Variants in ERICH1 observed in about 807,000 individuals in gnomAD.
ERICH1 encodes the protein glutamate rich 1.
Under a neutral mutation model 39.6 loss-of-function variants are expected in ERICH1, and 56 were observed. The ratio of observed to expected loss-of-function variants is 1.41; its 90% CI spans 1.14 to 1.77. ERICH1 has a LOEUF of 1.77. Among genes scored for constraint, ERICH1 ranks in the 40% most tolerant of loss-of-function variants. ERICH1 has a pLI of 0.00. For missense variants in ERICH1, 826 were observed against 575.4 expected (o/e 1.44, Z -4.45); for synonymous variants, 313 against 223.6 (o/e 1.40, Z -3.57).
chr8:637,507 C>T (rs1414786845), intron 3 of ERICH1: 3 of 152,308 alleles, frequency 2.0e-5, no homozygotes, highest in Non-Finnish European at 4.4e-5. Flanking sequence ...ACAATCAGAG[C>T]CCCACATGCC....
chr8:628,213 C>T (rs992492725), intron 3 of ERICH1, among the ~76,000 whole-genome samples: 1 of 152,218 alleles, frequency 6.6e-6, no homozygotes, highest in East Asian at 1.9e-4. Context: ...TTGATGTTAT[C>T]TGCAGGCTAG....
At chr8:691,662 A>C (rs1181452262) in intron 3 of ERICH1, among the ~76,000 whole-genome samples, 1 of 152,246 alleles carries the variant, frequency 6.6e-6, no homozygotes, top group Admixed American at 6.5e-5. Flanking sequence ...GAAAGGATGA[A>C]TCCATTATTC....
At position 722,408 on chromosome 8, in the gene ERICH1, G is replaced by A. The variant is rs74417891; in HGVS notation, c.23-6401C>T. ...TTCACAGGGGAATTAAGTCACTTCG[G>A]TATAATTCTCAGAAAGGACTGCTGC... On this transcript the variant is annotated intron_variant, in intron 1 of 5. Transcript: ENST00000262109. 6.0e-3 allele frequency among the ~76,000 whole-genome samples: 916 copies of A among 152,224 alleles called. 14 individuals are homozygous for A. The highest frequency in any genetic ancestry group is 0.021 in the African/African-American group (871 of 41,512).
chr8:631,275 C>T (rs1369009110), intron 3 of ERICH1, among the ~76,000 whole-genome samples: 13 of 152,214 alleles, frequency 8.5e-5, no homozygotes, highest in Admixed American at 7.2e-4. Context: ...AGCCCCCGTG[C>T]CCCTGCTCCA....
intron 3 of ERICH1, among the ~76,000 whole-genome samples, chr8:656,591 C>T (rs542757903): frequency 6.6e-5 from 10 of 152,320 alleles, no homozygotes; most frequent in Admixed American, 3.9e-4. Flanking sequence ...CGATCTTGTT[C>T]GCATTGAGGC....
At chr8:730,983 G>T (rs1819852622) in intron 1 of ERICH1, among the ~76,000 whole-genome samples, 157 bp downstream of exon 1, 3 of 152,160 alleles carry the variant, frequency 2.0e-5, no homozygotes, top group Non-Finnish European at 4.4e-5. Flanking sequence ...GGGTAAGAGC[G>T]GGGGATGGGT....
intron 5 of ERICH1, chr8:666,532 C>G (rs1425644969): frequency 6.6e-6 from 1 of 152,476 alleles, no homozygotes; most frequent in Non-Finnish European, 1.5e-5. Flanking sequence ...CTGCTGGGGC[C>G]CCTCCTCTCT....
intron 1 of ERICH1, among the ~76,000 whole-genome samples, chr8:723,303 C>T: frequency 6.6e-6 from 1 of 152,246 alleles, no homozygotes; most frequent in Non-Finnish European, 1.5e-5. Context: ...AATAACCCGG[C>T]CTCCGACATT....
At chr8:622,860 A>T (rs924015484) in intron 3 of ERICH1, among the ~76,000 whole-genome samples, 1 of 152,052 alleles carries the variant, frequency 6.6e-6, no homozygotes, top group African/African-American at 2.4e-5. Flanking sequence ...CAGGATGCTG[A>T]GGTGGAAGGA....
intron 2 of ERICH1, among the ~76,000 whole-genome samples, chr8:699,867 C>A (rs560229509): frequency 2.2e-5 from 2 of 91,206 alleles, no homozygotes; most frequent in Non-Finnish European, 4.6e-5. Flanking sequence ...GCGCACAGAC[C>A]CTCACAGGCG....
intron 3 of ERICH1, among the ~76,000 whole-genome samples, chr8:684,256 T>C (rs1278562589): frequency 6.6e-6 from 1 of 152,154 alleles, no homozygotes; most frequent in African/African-American, 2.4e-5. Flanking sequence ...TAAAATTAGA[T>C]GCAGGACAAT....
chr8:697,723 GC>G (rs1810665159), intron 2 of ERICH1, among the ~76,000 whole-genome samples: 1 of 144,780 alleles, frequency 6.9e-6, no homozygotes, highest in South Asian at 2.4e-4. Context: ...CCACACAGGC[GC>G]CCCTCTCAAG....
intron 3 of ERICH1, among the ~76,000 whole-genome samples, chr8:627,980 C>T (rs1484981266): frequency 6.6e-6 from 1 of 152,168 alleles, no homozygotes; most frequent in African/African-American, 2.4e-5. Flanking sequence ...CAGTGCCGGA[C>T]ACTCCCAGCT....
Position 716,012 on chromosome 8 carries a change from A to G in ERICH1, c.23-5T>C, listed in dbSNP as rs996026648. 4.4e-6 allele frequency: 7 copies of G among 1,586,404 alleles called. No homozygotes were observed. Among genetic ancestry groups the G allele is most frequent in the Middle Eastern group, 1.7e-4 (1 of 5,894 alleles). ...GCAGCACCTTCTCCACAAACACTGT[A>G]CAGACAACCGATTAAAAGAAAAGGA... On this transcript the variant is annotated splice_polypyrimidine_tract_variant and splice_region_variant and intron_variant, in intron 1 of 5. Coordinates refer to ENST00000262109, the MANE Select transcript of ERICH1 (RefSeq NM_207332.3).
At chr8:726,826 A>G (rs1011297256) in intron 1 of ERICH1, among the ~76,000 whole-genome samples, 1 of 151,952 alleles carries the variant, frequency 6.6e-6, no homozygotes, top group Admixed American at 6.6e-5. Flanking sequence ...ACACATGCAC[A>G]GACACAGACA....
chr8:705,859 T>C (rs191860473), intron 2 of ERICH1, among the ~76,000 whole-genome samples: 1 of 152,250 alleles, frequency 6.6e-6, no homozygotes, highest in Admixed American at 6.5e-5. Context: ...TGGGGGACGG[T>C]GGAGCCTTAA....
chr8:698,995 C>T (rs984504872), intron 2 of ERICH1, among the ~76,000 whole-genome samples: 1 of 151,204 alleles, frequency 6.6e-6, no homozygotes, highest in African/African-American at 2.4e-5. Flanking sequence ...GCTCCAAAGT[C>T]TCGGCTCAGC....
Position 673,617 on chromosome 8 carries a change from G to A in ERICH1, c.735C>T (p.Ala245=). The change falls in exon 4 of 6, where the codon GCC becomes GCT. Residue 245 remains alanine, a synonymous_variant. Transcript: ENST00000262109. ...TGGCGTCCGCACCCTCTTCCTGCCT[G>A]GCCCGTGTCAGGTCTTCCTCGCTAG... The part of the protein sequence containing the change: ...ADASEEDLTR[A]RQEEGADASE... The A allele has an allele frequency of 6.4e-7, 1 of 1,554,024 alleles. No homozygotes were observed. Among genetic ancestry groups the A allele is most frequent in the Non-Finnish European group, 8.8e-7 (1 of 1,132,510 alleles).
downstream of ERICH1, among the ~76,000 whole-genome samples, chr8:662,654 GAAAAT>G (rs1801599805): frequency 6.6e-6 from 1 of 152,078 alleles, no homozygotes. Flanking sequence ...ATCTCAAAAA[GAAAAT>G]AAAAATAAAA....
Sources: allele counts gnomAD v4.1 joint callset (sites outside exome capture counted in the v4.1 genomes callset), GRCh38; gene constraint gnomAD v4.1.1; transcripts MANE v1.5; gene names NCBI Gene and HGNC (gene_info 2026-07-23, HGNC 2026-07-21).